SORCS1: variants seen among roughly 807,000 people sequenced by gnomAD.
SORCS1 encodes the protein VPS10 domain-containing receptor SorCS1.
A neutral mutation model predicts 146.1 loss-of-function variants in SORCS1; 60 were observed. That is an observed-to-expected ratio of 0.41 (90% CI 0.33 to 0.51). The LOEUF is 0.51. Among genes scored for constraint, SORCS1 ranks in the 20% least tolerant of loss-of-function variants. The pLI is 0.21. For synonymous variants in SORCS1, 637 were observed against 584.0 expected, an observed-to-expected ratio of 1.09 and a Z score of -1.31; for missense variants, 1,352 against 1,487.6, an observed-to-expected ratio of 0.91 and a Z score of 1.50.
rs562159936 is a variant in SORCS1, at chr10:107,158,866, G to T, written c.558+5103C>A. 2.0e-4 allele frequency among the ~76,000 whole-genome samples: 30 copies of T among 151,960 alleles called. No homozygotes were observed. The East Asian group carries it at 5.8e-3, about 29-fold the overall frequency. ...ATGAGATTCATGTATCTGCTTTTTT[G>T]CCCTATCCTATGAACTTCTAAGGTC... On this transcript the variant is annotated intron_variant, in intron 1 of 25. Transcript: ENST00000263054.
At chr10:106,919,645 C>T (rs1258050290) in intron 2 of SORCS1, among the ~76,000 whole-genome samples, 13 of 152,174 alleles carry the variant, frequency 8.5e-5, no homozygotes, top group Admixed American at 8.5e-4. Context: ...CCTAACGGTA[C>T]TACATAGTAA....
At chr10:107,096,326 C>T (rs1964542557) in intron 1 of SORCS1, among the ~76,000 whole-genome samples, 1 of 152,168 alleles carries the variant, frequency 6.6e-6, no homozygotes, top group Non-Finnish European at 1.5e-5. Flanking sequence ...AGACAGATCA[C>T]TAGGTTTGAA....
intron 1 of SORCS1, among the ~76,000 whole-genome samples, chr10:107,107,525 C>G (rs1199654758): frequency 6.6e-6 from 1 of 152,178 alleles, no homozygotes; most frequent in Non-Finnish European, 1.5e-5. Flanking sequence ...CTTGGCTCCT[C>G]CTGACTGCTT....
At chr10:106,816,428 C>G (rs1036337044) in intron 3 of SORCS1, among the ~76,000 whole-genome samples, 1 of 152,170 alleles carries the variant, frequency 6.6e-6, no homozygotes, top group African/African-American at 2.4e-5. Flanking sequence ...GGCTCAGTGC[C>G]TGATGTCCCA....
chr10:107,164,074 G>A lies in SORCS1; in HGVS notation c.453C>T (p.Thr151=). The A allele has an allele frequency of 6.2e-7, 1 of 1,613,946 alleles. No homozygotes were observed. Among genetic ancestry groups the A allele is most frequent in the Middle Eastern group, 1.6e-4 (1 of 6,062 alleles). Residue 151 remains threonine, a synonymous_variant, in exon 1 of 26, where the codon ACC becomes ACT. Transcript: ENST00000263054. This position sits in a 1 kb window ranked among gnomAD's most constrained non-coding sequence, Gnocchi z 6.8. ...GTCTCAGCTCCTCCATCCGGAAGCG[G>A]GTGGCTTTGTCCGGGTCCCGCTCCC... ...GTRERDPDKA[T]RFRMEELRLT... is the part of the protein sequence containing the mutation.
At chr10:106,932,850 C>T (rs1953488237) in intron 2 of SORCS1, among the ~76,000 whole-genome samples, 1 of 152,136 alleles carries the variant, frequency 6.6e-6, no homozygotes, top group African/African-American at 2.4e-5. Context: ...CCAGGCACTG[C>T]CTCCTCACTT....
intron 17 of SORCS1, among the ~76,000 whole-genome samples, chr10:106,656,424 G>T (rs962068507): frequency 4.6e-5 from 7 of 152,124 alleles, no homozygotes; most frequent in African/African-American, 1.7e-4. Context: ...GCTGGCGGGC[G>T]CCTGTAGTCC....
chr10:106,643,103 T>C (rs77821207), intron 18 of SORCS1, among the ~76,000 whole-genome samples: 2 of 152,282 alleles, frequency 1.3e-5, no homozygotes, highest in African/African-American at 4.8e-5. Flanking sequence ...CAAGATACCA[T>C]AGATCCTGGA....
chr10:107,151,588 A>G (rs1968802275), intron 1 of SORCS1, among the ~76,000 whole-genome samples: 1 of 152,136 alleles, frequency 6.6e-6, no homozygotes, highest in African/African-American at 2.4e-5. Flanking sequence ...TAGCACAGGA[A>G]AGACCAACCC....
intron 4 of SORCS1, among the ~76,000 whole-genome samples, chr10:106,765,573 G>C (rs1464672496): frequency 1.3e-5 from 2 of 152,060 alleles, no homozygotes; most frequent in African/African-American, 4.8e-5. Context: ...CAGTTGGGTG[G>C]TAGGCACTGA....
chr10:106,629,937 G>A (rs917371240), intron 18 of SORCS1, among the ~76,000 whole-genome samples: 2 of 151,704 alleles, frequency 1.3e-5, no homozygotes, highest in Non-Finnish European at 2.9e-5. Context: ...CCAGCTACTC[G>A]GGGGGGCTGA....
chr10:106,756,340 T>A (rs1334682882), intron 5 of SORCS1, among the ~76,000 whole-genome samples: 3 of 152,172 alleles, frequency 2.0e-5, no homozygotes, highest in Admixed American at 2.0e-4. Context: ...ACAAGAAGCA[T>A]CTCATTTGAT....
chr10:106,958,212 T>C (rs139724961), intron 1 of SORCS1, among the ~76,000 whole-genome samples: 62 of 152,338 alleles, frequency 4.1e-4, no homozygotes, highest in African/African-American at 1.4e-3. Flanking sequence ...AAAAACATTA[T>C]GGGTTTGCTC....
chr10:107,145,413 C>A (rs1361114909), intron 1 of SORCS1, among the ~76,000 whole-genome samples: 2 of 152,132 alleles, frequency 1.3e-5, no homozygotes, highest in African/African-American at 2.4e-5. Flanking sequence ...CTAAAAGATG[C>A]AAAAACCATT....
intron 8 of SORCS1, among the ~76,000 whole-genome samples, chr10:106,704,059 T>C (rs1224460188): frequency 1.3e-5 from 2 of 152,222 alleles, no homozygotes; most frequent in African/African-American, 4.8e-5. Flanking sequence ...TAGATGCCAC[T>C]GCGGGCAACT....
chr10:107,057,664 G>T (rs1036448649), intron 1 of SORCS1, among the ~76,000 whole-genome samples: 9 of 152,134 alleles, frequency 5.9e-5, no homozygotes. Context: ...TTCTAACAAT[G>T]TCTAATAGAA....
At chr10:107,153,024 C>A (rs1968955300) in intron 1 of SORCS1, among the ~76,000 whole-genome samples, 1 of 152,146 alleles carries the variant, frequency 6.6e-6, no homozygotes, top group Non-Finnish European at 1.5e-5. Context: ...CTGTCTCTCT[C>A]TGCCTTTGTC....
intron 1 of SORCS1, among the ~76,000 whole-genome samples, chr10:107,009,332 A>G (rs910717380): frequency 6.6e-6 from 1 of 152,234 alleles, no homozygotes; most frequent in Non-Finnish European, 1.5e-5. Flanking sequence ...TGCTTAGACA[A>G]TACAATATAT....
intron 24 of SORCS1, among the ~76,000 whole-genome samples, chr10:106,595,421 C>T (rs1377779963): frequency 1.3e-5 from 2 of 152,120 alleles, no homozygotes; most frequent in Non-Finnish European, 2.9e-5. Flanking sequence ...AGTCACACTT[C>T]TGTTCAAAGG....
Sources: gnomAD v4.1 joint callset for allele counts (sites outside exome capture counted in the v4.1 genomes callset) on GRCh38, gnomAD v4.1.1 for gene constraint, Gnocchi (gnomAD v3.1) non-coding constraint, MANE v1.5 for transcripts, NCBI Gene and HGNC (gene_info 2026-07-23, HGNC 2026-07-21) for gene names.